GPC5: variants seen among roughly 807,000 people sequenced by gnomAD.
GPC5 encodes the protein glypican-5.
Under a neutral mutation model 53.9 loss-of-function variants are expected in GPC5, and 47 were observed. The ratio of observed to expected loss-of-function variants is 0.87; its 90% CI spans 0.69 to 1.11. The LOEUF (loss-of-function observed/expected upper bound fraction) is 1.11. Among genes scored for constraint, GPC5 ranks in the 50% most tolerant of loss-of-function variants. GPC5 has a pLI of 0.00. For missense variants in GPC5, 748 were observed against 713.1 expected (o/e 1.05, Z -0.56); for synonymous variants, 286 against 263.3 (o/e 1.09, Z -0.84).
chr13:91,458,846 A>G (rs1407445802), intron 2 of GPC5, among the ~76,000 whole-genome samples: 1 of 152,170 alleles, frequency 6.6e-6, no homozygotes, highest in Non-Finnish European at 1.5e-5. Context: ...TGTGGTGTAT[A>G]TGCATGTATA....
chr13:91,740,258 G>A (rs2036902578), intron 4 of GPC5, among the ~76,000 whole-genome samples: 1 of 152,120 alleles, frequency 6.6e-6, no homozygotes, highest in Non-Finnish European at 1.5e-5. Flanking sequence ...GTAAGTGAAG[G>A]CAGGATTACA....
chr13:91,926,518 A>C (rs536771873), intron 6 of GPC5, among the ~76,000 whole-genome samples: 3 of 152,230 alleles, frequency 2.0e-5, no homozygotes, highest in Admixed American at 2.0e-4. Flanking sequence ...GACCTGTTCC[A>C]TGTATTTGTT....
chr13:91,858,038 A>G (rs2038986221), intron 5 of GPC5, among the ~76,000 whole-genome samples: 1 of 151,600 alleles, frequency 6.6e-6, no homozygotes, highest in Admixed American at 6.6e-5. Context: ...TAAATTTTGC[A>G]TCTGTTTTCA....
intron 6 of GPC5, among the ~76,000 whole-genome samples, chr13:92,133,956 G>C (rs184139054): frequency 6.6e-6 from 1 of 152,202 alleles, no homozygotes; most frequent in Non-Finnish European, 1.5e-5. Flanking sequence ...GATGAGTTGA[G>C]GGACGAAAAC....
intron 7 of GPC5, among the ~76,000 whole-genome samples, chr13:92,313,724 G>A (rs1158437380): frequency 6.6e-6 from 1 of 152,110 alleles, no homozygotes; most frequent in Admixed American, 6.5e-5. Context: ...AAGCTAATCA[G>A]AGTCAAGGAC....
chr13:92,548,511 CCTTT>C (rs1296521361), intron 7 of GPC5, among the ~76,000 whole-genome samples: 1 of 151,414 alleles, frequency 6.6e-6, no homozygotes, highest in Middle Eastern at 3.2e-3. Flanking sequence ...AATATCCAAG[CCTTT>C]CTTTCTGGTG....
chr13:92,105,898 G>A (rs2041505737), intron 6 of GPC5, among the ~76,000 whole-genome samples: 1 of 151,938 alleles, frequency 6.6e-6, no homozygotes, highest in African/African-American at 2.4e-5. Flanking sequence ...GAAAAAGAAG[G>A]CAGTCTCACC....
At chr13:91,403,979 G>A (rs1307444636) in intron 1 of GPC5, among the ~76,000 whole-genome samples, 1 of 152,096 alleles carries the variant, frequency 6.6e-6, no homozygotes, top group African/African-American at 2.4e-5. Context: ...CCATTTTGCC[G>A]AGTGTCCAAC....
chr13:91,510,109 A>T (rs1315104502), intron 2 of GPC5, among the ~76,000 whole-genome samples: 1 of 152,140 alleles, frequency 6.6e-6, no homozygotes, highest in African/African-American at 2.4e-5. Context: ...TATTCTTTGG[A>T]AAAATATTTC....
At chr13:91,433,048 C>T (rs940800389) in intron 1 of GPC5, among the ~76,000 whole-genome samples, 22 of 152,160 alleles carry the variant, frequency 1.4e-4, no homozygotes, top group Admixed American at 1.3e-4. Flanking sequence ...TGGTTCTTAT[C>T]CTATTGGAGC....
intron 7 of GPC5, among the ~76,000 whole-genome samples, chr13:92,458,922 G>T (rs1447520538): frequency 2.0e-5 from 3 of 152,056 alleles, no homozygotes; most frequent in Non-Finnish European, 4.4e-5. Flanking sequence ...CAACCCACGT[G>T]CTTTGTGAGT....
chr13:91,694,576 A>G (rs1425769330), intron 3 of GPC5, among the ~76,000 whole-genome samples: 2 of 152,228 alleles, frequency 1.3e-5, no homozygotes, highest in Non-Finnish European at 2.9e-5. Flanking sequence ...GTCTCACCTT[A>G]CATAGAACCA....
At chr13:92,405,955 G>GTA (rs780175973) in intron 7 of GPC5, among the ~76,000 whole-genome samples, 11 of 152,116 alleles carry the variant, frequency 7.2e-5, no homozygotes, top group Non-Finnish European at 1.3e-4. Context: ...GGAATTAAGT[G>GTA]TATACACACA....
intron 6 of GPC5, among the ~76,000 whole-genome samples, chr13:92,009,211 T>C (rs1044172141): frequency 1.3e-5 from 2 of 151,972 alleles, no homozygotes; most frequent in Non-Finnish European, 2.9e-5. Context: ...ATTTTGTATT[T>C]GATGCTCATT....
intron 7 of GPC5, among the ~76,000 whole-genome samples, chr13:92,273,878 C>T (rs989907281): frequency 5.9e-5 from 9 of 152,064 alleles, no homozygotes; most frequent in African/African-American, 2.2e-4. Flanking sequence ...GAAAAATTAT[C>T]CAATACCTGC....
In GPC5 at chr13:91,644,648, A is replaced by T. The variant is rs567273517; in HGVS notation, c.326-48539A>T. Among the ~76,000 whole-genome samples the T allele has an allele frequency of 2.6e-5, 4 of 152,136 alleles. 1 individual carries two copies. The highest frequency in any genetic ancestry group is 2.6e-4 in the Admixed American group (4 of 15,272). ...GATGTCTTATGTGCTTTATTTACTTATATATGTTTGATGGCAGAGCAATAT... is the reference window on the plus strand; with the variant it reads ...GATGTCTTATGTGCTTTATTTACTTTTATATGTTTGATGGCAGAGCAATAT... On this transcript the variant is annotated intron_variant, in intron 2 of 7. Coordinates refer to ENST00000377067, the MANE Select transcript of GPC5 (RefSeq NM_004466.6).
chr13:92,257,233 TA>T (rs1192565323), intron 7 of GPC5, among the ~76,000 whole-genome samples: 2 of 152,154 alleles, frequency 1.3e-5, no homozygotes, highest in Non-Finnish European at 2.9e-5. Flanking sequence ...TCATAGTTTT[TA>T]ATCTTGAGTA....
intron 7 of GPC5, among the ~76,000 whole-genome samples, chr13:92,175,107 C>T (rs796134338): frequency 2.6e-5 from 4 of 152,338 alleles, no homozygotes; most frequent in African/African-American, 9.6e-5. Context: ...CCCGCCTTGG[C>T]CACCCAAAGT....
chr13:92,253,915 A>C (rs754896115), intron 7 of GPC5, among the ~76,000 whole-genome samples: 20 of 152,104 alleles, frequency 1.3e-4, no homozygotes, highest in Non-Finnish European at 2.6e-4. Context: ...CAAAATGATT[A>C]CTGGAATGTC....
Sources: allele counts gnomAD v4.1 joint callset (sites outside exome capture counted in the v4.1 genomes callset), GRCh38; gene constraint gnomAD v4.1.1; transcripts MANE v1.5; gene names NCBI Gene and HGNC (gene_info 2026-07-23, HGNC 2026-07-21).